Variants in PDE3A observed in about 807,000 individuals in gnomAD.
The protein encoded by PDE3A is phosphodiesterase 3A.
A neutral mutation model predicts 98.3 loss-of-function variants in PDE3A; 43 were observed. The ratio of observed to expected loss-of-function variants is 0.44; its 90% confidence interval spans 0.34 to 0.56. PDE3A has a LOEUF of 0.56. Among genes scored for constraint, PDE3A ranks in the 20% least tolerant of loss-of-function variants. The pLI is 0.01. For synonymous variants in PDE3A, 663 were observed against 567.9 expected, an observed-to-expected ratio of 1.17 and a Z score of -2.38; for missense variants, 1,427 against 1,440.7, an observed-to-expected ratio of 0.99 and a Z score of 0.15.
intron 5 of PDE3A, among the ~76,000 whole-genome samples, chr12:20,628,323 T>C (rs1469565206): frequency 2.6e-5 from 4 of 152,184 alleles, no homozygotes; most frequent in Admixed American, 6.5e-5. Context: ...TACTATGTAA[T>C]GTGAAGGTTT....
intron 2 of PDE3A, among the ~76,000 whole-genome samples, chr12:20,560,829 CT>C (rs1565589430): frequency 2.0e-5 from 3 of 152,106 alleles, no homozygotes; most frequent in African/African-American, 7.2e-5. Context: ...TTTGGCACTT[CT>C]TTATGTGTTT....
chr12:20,647,661 T>A (rs183958233), intron 12 of PDE3A, among the ~76,000 whole-genome samples: 5 of 152,252 alleles, frequency 3.3e-5, no homozygotes, highest in African/African-American at 1.2e-4. Flanking sequence ...TTGACTTTTC[T>A]GTTTTCTTCT....
intron 2 of PDE3A, among the ~76,000 whole-genome samples, chr12:20,595,628 T>C (rs528443303): frequency 2.0e-5 from 3 of 152,322 alleles, no homozygotes; most frequent in East Asian, 3.9e-4. Flanking sequence ...TAGCTGATGA[T>C]AGAGATAATA....
At chr12:20,391,353 T>TAAC (rs1203850516) in intron 1 of PDE3A, among the ~76,000 whole-genome samples, 4 of 144,484 alleles carry the variant, frequency 2.8e-5, no homozygotes, top group Non-Finnish European at 6.0e-5. Flanking sequence ...TACATATATA[T>TAAC]AACATATATA....
At chr12:20,459,318 A>G (rs1468678114) in intron 1 of PDE3A, among the ~76,000 whole-genome samples, 1 of 152,156 alleles carries the variant, frequency 6.6e-6, no homozygotes, top group Non-Finnish European at 1.5e-5. Context: ...TATGACTAGG[A>G]TAGTTGTGAA....
chr12:20,427,803 T>C (rs958711170), intron 1 of PDE3A, among the ~76,000 whole-genome samples: 1 of 152,098 alleles, frequency 6.6e-6, no homozygotes, highest in African/African-American at 2.4e-5. Context: ...TTTTTTTCTT[T>C]TGCAGCATTG....
chr12:20,599,568 C>T (rs957328019), intron 2 of PDE3A, among the ~76,000 whole-genome samples: 1 of 152,172 alleles, frequency 6.6e-6, no homozygotes, highest in Admixed American at 6.5e-5. Context: ...AACTTCTCAC[C>T]TATAAATCTG....
In PDE3A at chr12:20,386,196, T is replaced by TATAAAAATATATATAAATATATAA. The variant is rs1943794814; in HGVS notation, c.960+15955_960+15956insAAAATATATATAAATATATAAATA. On this transcript the variant is annotated intron_variant, in intron 1 of 15. Transcript: ENST00000359062. ...AAAAATATATATAAATATATATAAA[T>TATAAAAATATATATAAATATATAA]ATATAAAAATATATATAAATATATA... Among the ~76,000 whole-genome samples the TATAAAAATATATATAAATATATAA allele has an allele frequency of 3.0e-4, 22 of 73,860 alleles. No homozygotes were observed. The South Asian group carries it at 9.4e-3, about 32-fold the overall frequency. 48.5% of individuals were successfully genotyped at this position (73,860 alleles called of 152,430 possible).
At position 20,370,112 on chromosome 12, in the gene PDE3A, T is replaced by TCA. The variant is rs1392310681; in HGVS notation, c.828_829insCA (p.Ala277GlnfsTer99). Reference sequence around the variant, plus strand: ...GGGAGCATTTGGGGTCCCAGCTGATTGCTGGGACCAAGGAAGATATCCCGG... The same window carrying TCA: ...GGGAGCATTTGGGGTCCCAGCTGATTCAGCTGGGACCAAGGAAGATATCCCGG... On this transcript the variant is annotated frameshift_variant, in exon 1 of 16. Transcript: ENST00000359062. LOFTEE classifies it high-confidence loss of function. 1.9e-6 allele frequency: 3 copies of TCA among 1,613,110 alleles called. No individual in the cohort carries two copies. The highest frequency in any genetic ancestry group is 2.2e-5 in the East Asian group (1 of 44,824).
At position 20,613,654 on chromosome 12, in the gene PDE3A, C is replaced by T; in HGVS notation, c.1223C>T (p.Ser408Phe). The T allele has an allele frequency of 6.2e-7, 1 of 1,613,750 alleles. No homozygotes were observed. Among genetic ancestry groups the T allele is most frequent in the Non-Finnish European group, 8.5e-7 (1 of 1,179,642 alleles). ...VTSLSENYTC[S>F]DSEESSEKDK... ...TCGCTCAGTGAAAACTATACCTGTTCTGACTCTGAAGAGAGCTCTGAAAAA... is the reference window on the plus strand; with the variant it reads ...TCGCTCAGTGAAAACTATACCTGTTTTGACTCTGAAGAGAGCTCTGAAAAA... Residue 408 changes from serine (S) to phenylalanine (F), a missense_variant, in exon 3 of 16, where the codon TCT becomes TTT. Ser to Phe is a radical substitution (Grantham distance 155). Around this residue, in one of 3 missense-constraint regions of PDE3A, gnomAD observed 1,012 missense variants for 886.5 expected, o/e 1.14. Transcript: ENST00000359062.
intron 15 of PDE3A, among the ~76,000 whole-genome samples, chr12:20,660,871 T>C (rs1437074646): frequency 2.6e-5 from 4 of 152,042 alleles, no homozygotes; most frequent in African/African-American, 9.7e-5. Flanking sequence ...AGTAAATTGG[T>C]ACTGGTAGAG....
At chr12:20,669,519 G>C (rs1232900511) in intron 15 of PDE3A, among the ~76,000 whole-genome samples, 5 of 152,114 alleles carry the variant, frequency 3.3e-5, no homozygotes, top group African/African-American at 1.2e-4. Context: ...AACCCTACAA[G>C]CCAGAAGAGA....
intron 1 of PDE3A, among the ~76,000 whole-genome samples, chr12:20,540,237 G>A (rs1008997642): frequency 3.3e-5 from 5 of 152,010 alleles, no homozygotes; most frequent in Non-Finnish European, 5.9e-5. Flanking sequence ...AATTGTCTTT[G>A]TATATTACAT....
intron 2 of PDE3A, among the ~76,000 whole-genome samples, chr12:20,573,051 C>A (rs375791763): frequency 1.2e-3 from 177 of 152,082 alleles, no homozygotes; most frequent in African/African-American, 4.2e-3. Context: ...ACTGGTGATA[C>A]TTGTGTCTTT....
At chr12:20,632,857 T>TATCA (rs1460897403) in intron 6 of PDE3A, among the ~76,000 whole-genome samples, 2 of 152,082 alleles carry the variant, frequency 1.3e-5, no homozygotes, top group East Asian at 3.9e-4. Flanking sequence ...ATTCATATAC[T>TATCA]ATCATTCTAT....
At chr12:20,448,136 T>A (rs1447381795) in intron 1 of PDE3A, among the ~76,000 whole-genome samples, 3 of 152,124 alleles carry the variant, frequency 2.0e-5, no homozygotes, top group African/African-American at 7.2e-5. Context: ...CCATTAGTAA[T>A]ATTAAGACTG....
intron 1 of PDE3A, among the ~76,000 whole-genome samples, chr12:20,491,235 G>A (rs777566644): frequency 2.0e-5 from 3 of 152,182 alleles, no homozygotes; most frequent in Non-Finnish European, 4.4e-5. Context: ...ATCTAGCAGT[G>A]CAGGCTTTAT....
rs756255532 is a variant in PDE3A at position 20,680,628 on chromosome 12, CATTTAT to C, written c.*361_*366del. ...GATTGCTGGCTCCACAATTTAGTAA[CATTTAT>C]ATTAAGATATATATATAGTGGTCAC... On this transcript the variant is annotated 3_prime_UTR_variant, in exon 16 of 16. Coordinates refer to ENST00000359062, the MANE Select transcript of PDE3A (RefSeq NM_000921.5). 11 of 174,994 alleles carry C rather than the reference CATTTAT, an allele frequency of 6.3e-5. No homozygotes were observed. Among genetic ancestry groups the C allele is most frequent in the Non-Finnish European group, 1.2e-4 (10 of 82,624 alleles). 10.8% of individuals were successfully genotyped at this position (174,994 alleles called of 1,614,324 possible).
chr12:20,392,910 G>T (rs1291414593), intron 1 of PDE3A, among the ~76,000 whole-genome samples: 1 of 151,962 alleles, frequency 6.6e-6, no homozygotes, highest in African/African-American at 2.4e-5. Flanking sequence ...CTTATATGTG[G>T]GAGCCTAAAA....
Sources: allele counts gnomAD v4.1 joint callset (sites outside exome capture counted in the v4.1 genomes callset), GRCh38; gene constraint gnomAD v4.1.1; regional missense constraint gnomAD v4.1.1; transcripts MANE v1.5; gene names NCBI Gene and HGNC (gene_info 2026-07-23, HGNC 2026-07-21).